The following ATOSA variants were observed in gnomAD, a reference collection of about 807,000 sequenced individuals.
ATOSA encodes the protein atos homolog A.
the ATOSA span, among the ~76,000 whole-genome samples, chr15:52,669,926 G>C: frequency 6.6e-6 from 1 of 152,104 alleles, no homozygotes; most frequent in Non-Finnish European, 1.5e-5. Context: ...AAGCAGTTTT[G>C]GGCAACATCT....
At chr15:52,629,190 G>A in the ATOSA span, among the ~76,000 whole-genome samples, 2 of 152,040 alleles carry the variant, frequency 1.3e-5, no homozygotes, top group Non-Finnish European at 2.9e-5. Flanking sequence ...CACGTTAGAG[G>A]TCATATAAAG....
chr15:52,660,860 G>A, the ATOSA span, among the ~76,000 whole-genome samples: 3 of 152,168 alleles, frequency 2.0e-5, no homozygotes, highest in East Asian at 5.8e-4. Flanking sequence ...CTTCTTGTTG[G>A]TAAGGCTGGT....
At chr15:52,584,717 A>T in the ATOSA span, 1 of 1,590,006 alleles carries the variant, frequency 6.3e-7, no homozygotes, top group Non-Finnish European at 8.6e-7. Context: ...TTCTAAAGTA[A>T]CATTTTCATA....
chr15:52,597,781 T>C, the ATOSA span, among the ~76,000 whole-genome samples: 1 of 152,162 alleles, frequency 6.6e-6, no homozygotes, highest in Non-Finnish European at 1.5e-5. Flanking sequence ...GGAAGAAGAA[T>C]TGTCTTGGGG....
the ATOSA span, chr15:52,652,193 T>A: frequency 4.2e-6 from 3 of 713,738 alleles, no homozygotes; most frequent in African/African-American, 5.5e-5. Flanking sequence ...TTTGCTCGTC[T>A]TACAAACTCA....
chr15:52,598,972 T>C, the ATOSA span, among the ~76,000 whole-genome samples: 1 of 152,178 alleles, frequency 6.6e-6, no homozygotes, highest in African/African-American at 2.4e-5. Flanking sequence ...TGCTCCCACT[T>C]TGCCTACCAC....
chr15:52,680,129 T>G, the ATOSA span, among the ~76,000 whole-genome samples: 49 of 152,188 alleles, frequency 3.2e-4, no homozygotes, highest in Admixed American at 1.0e-3. Flanking sequence ...ATGTTATTGT[T>G]GGGGAGCTGT....
the ATOSA span, among the ~76,000 whole-genome samples, chr15:52,694,138 G>A: frequency 1.4e-5 from 2 of 147,738 alleles, no homozygotes; most frequent in African/African-American, 2.5e-5. Flanking sequence ...GTGTGTGTGC[G>A]TGTGTGTGTG....
chr15:52,674,161 TAC>T, the ATOSA span, among the ~76,000 whole-genome samples: 1 of 151,876 alleles, frequency 6.6e-6, no homozygotes, highest in Non-Finnish European at 1.5e-5. Flanking sequence ...AAATTAGAAA[TAC>T]ATTTAGAACA....
the ATOSA span, among the ~76,000 whole-genome samples, chr15:52,703,444 G>C: frequency 1.3e-5 from 2 of 152,004 alleles, no homozygotes; most frequent in African/African-American, 2.4e-5. Context: ...ACTATTTCTT[G>C]CCCATCAGTT....
the ATOSA span, among the ~76,000 whole-genome samples, chr15:52,670,261 G>GTTGTGT: frequency 6.6e-6 from 1 of 152,206 alleles, no homozygotes. Flanking sequence ...GCTGTTCCAA[G>GTTGTGT]CTGTGTATTC....
chr15:52,611,357 G>C, the ATOSA span: 5 of 1,435,986 alleles, frequency 3.5e-6, no homozygotes, highest in Admixed American at 6.6e-5. Context: ...CTCAGGATTT[G>C]TGCTTTGAAG....
chr15:52,624,918 C>T, the ATOSA span, among the ~76,000 whole-genome samples: 1 of 151,884 alleles, frequency 6.6e-6, no homozygotes, highest in East Asian at 1.9e-4. Context: ...GCTGGGATTA[C>T]AGGCACTTGC....
chr15:52,633,701 T>A, the ATOSA span, among the ~76,000 whole-genome samples: 74 of 152,264 alleles, frequency 4.9e-4, no homozygotes, highest in African/African-American at 1.8e-3. Context: ...AAAATCACTA[T>A]TAGCAGACCT....
At chr15:52,595,292 T>C in the ATOSA span, among the ~76,000 whole-genome samples, 2 of 152,296 alleles carry the variant, frequency 1.3e-5, no homozygotes, top group South Asian at 4.1e-4. Flanking sequence ...ACAATAAACG[T>C]CTCTAAGGCA....
chr15:52,583,390 G>GTCATTCATTCATTCATTCAT, the ATOSA span, among the ~76,000 whole-genome samples: 201 of 150,872 alleles, frequency 1.3e-3, 4 homozygotes, highest in East Asian at 0.026. Flanking sequence ...TTCATACCAT[G>GTCATTCATTCATTCATTCAT]TCATTCATTC....
chr15:52,608,554 T>C, the ATOSA span: 1 of 1,539,390 alleles, frequency 6.5e-7, no homozygotes, highest in Non-Finnish European at 8.7e-7. Context: ...TTTGACATAT[T>C]AGATGTTACT....
At chr15:52,586,154 A>G in the ATOSA span, 3 of 152,254 alleles carry the variant, frequency 2.0e-5, no homozygotes, top group Admixed American at 2.0e-4. Context: ...CGAAGGCAAG[A>G]GAACACTGTC....
At chr15:52,693,182 G>A in the ATOSA span, among the ~76,000 whole-genome samples, 786 of 152,264 alleles carry the variant, frequency 5.2e-3, 10 homozygotes, top group African/African-American at 0.018. Context: ...CATTTTGGGA[G>A]GCCAAGGCGG....
Sources: gnomAD v4.1 joint callset for allele counts (sites outside exome capture counted in the v4.1 genomes callset) on GRCh38, gnomAD v4.1.1 for gene constraint, MANE v1.5 for transcripts, NCBI Gene and HGNC (gene_info 2026-07-23, HGNC 2026-07-21) for gene names.